DNAH8: variants seen among roughly 807,000 people sequenced by gnomAD.
The protein encoded by DNAH8 is axonemal beta dynein heavy chain 8.
In DNAH8, 382 loss-of-function variants were observed where a neutral mutation model predicts 562.1. The ratio of observed to expected loss-of-function variants is 0.68; its 90% CI spans 0.63 to 0.74. The LOEUF is 0.74. DNAH8 is among the 30% of genes least tolerant of loss of function. The pLI is 0.00. For synonymous variants in DNAH8, 1,881 were observed against 1,919.4 expected (o/e 0.98, Z 0.52); for missense variants, 5,203 against 5,620.4 (o/e 0.93, Z 2.37).
intron 1 of DNAH8, among the ~76,000 whole-genome samples, chr6:38,715,960 A>ATATTTTTTTTTT (rs1372342002): frequency 1.3e-4 from 3 of 23,626 alleles, no homozygotes; most frequent in African/African-American, 1.1e-3. Context: ...ATATATATAT[A>ATATTTTTTTTTT]TTTTTTTTTT....
At chr6:38,944,439 A>G (rs907822121) in intron 79 of DNAH8, among the ~76,000 whole-genome samples, 2 of 152,194 alleles carry the variant, frequency 1.3e-5, no homozygotes, top group African/African-American at 4.8e-5. Flanking sequence ...TTTTTGGTCC[A>G]TGAGTTGATT....
Position 38,826,141 on chromosome 6 carries a change from T to C in DNAH8, c.3848-15T>C, listed in dbSNP as rs777343054. The C allele has an allele frequency of 8.4e-6, 13 of 1,547,000 alleles. 1 individual carries two copies. In the South Asian group the frequency reaches 1.6e-4, roughly 19 times the overall value. ...CCAGTTATATTCTAATTTAATTTCT[T>C]CTTGTCTTCATCAGAGCCGATGAAA... On this transcript the variant is annotated splice_polypyrimidine_tract_variant and intron_variant, in intron 28 of 92. Transcript: ENST00000327475.
At chr6:38,715,915 TAAATAA>T (rs1350213631) in intron 1 of DNAH8, among the ~76,000 whole-genome samples, 14 of 39,602 alleles carry the variant, frequency 3.5e-4, no homozygotes, top group African/African-American at 2.5e-3. Context: ...AATAAATAAA[TAAATAA>T]ATAAATATAT....
At chr6:38,828,878 A>G (rs1467932793) in intron 30 of DNAH8, among the ~76,000 whole-genome samples, 3 of 152,172 alleles carry the variant, frequency 2.0e-5, no homozygotes, top group Non-Finnish European at 4.4e-5. Context: ...CCCATTAGCA[A>G]TCACTCCTGA....
intron 60 of DNAH8, among the ~76,000 whole-genome samples, chr6:38,897,058 G>T (rs1236485892): frequency 6.6e-6 from 1 of 152,024 alleles, no homozygotes; most frequent in Non-Finnish European, 1.5e-5. Context: ...TAGAGATGAG[G>T]TTTTATCATG....
intron 75 of DNAH8, among the ~76,000 whole-genome samples, chr6:38,930,781 C>T (rs983601331): frequency 4.6e-5 from 7 of 152,092 alleles, no homozygotes; most frequent in African/African-American, 1.7e-4. Context: ...TATACATATA[C>T]GTTGTATAAT....
chr6:38,882,188 G>A (rs115741737), intron 53 of DNAH8, among the ~76,000 whole-genome samples: 1,715 of 152,174 alleles, frequency 0.011, 40 homozygotes, highest in African/African-American at 0.039. Context: ...CCTACCATCT[G>A]ACCCACCAAT....
At chr6:38,971,743 C>A in intron 83 of DNAH8, 78 bp downstream of exon 83, 1 of 1,130,642 alleles carries the variant, frequency 8.8e-7, no homozygotes, top group Non-Finnish European at 1.3e-6. Flanking sequence ...ACATTCTTCT[C>A]GTGATGCTCA....
Position 38,741,711 on chromosome 6 carries a change from G to A in DNAH8, c.1117G>A (p.Val373Ile), listed in dbSNP as rs1361360387. 3 of 1,595,442 alleles carry A rather than the reference G, an allele frequency of 1.9e-6. No homozygotes were observed. Among genetic ancestry groups the A allele is most frequent in the Admixed American group, 1.8e-5 (1 of 55,192 alleles). Residue 373 changes from valine to isoleucine, a missense_variant and splice_region_variant, in exon 8 of 93, where the codon GTA (valine) becomes ATA (isoleucine). Physicochemically the swap from Val to Ile is conservative, Grantham distance 29. Transcript: ENST00000327475. ...ATTTTATAAATTTTTTTGACTGCAG[G>A]TACTTATTGAGAGTGAGCAGATGAG... is the stretch of plus-strand genomic sequence containing the variant. The part of the protein sequence containing the change: ...LMVWYKQIEQ[V>I]LIESEQMRKE...
At chr6:38,988,861 C>T (rs1764586649) in intron 87 of DNAH8, among the ~76,000 whole-genome samples, 2 of 152,194 alleles carry the variant, frequency 1.3e-5, no homozygotes, top group Non-Finnish European at 2.9e-5. Context: ...CTGCTTTAAA[C>T]CTCTTTAGTA....
At chr6:39,022,984 A>G (rs1195369494) in intron 91 of DNAH8, among the ~76,000 whole-genome samples, 1 of 152,204 alleles carries the variant, frequency 6.6e-6, no homozygotes, top group Non-Finnish European at 1.5e-5. Flanking sequence ...AATTTTTTTT[A>G]AAGCATCTGA....
intron 62 of DNAH8, among the ~76,000 whole-genome samples, chr6:38,905,885 G>T (rs1286928540): frequency 2.0e-5 from 3 of 150,742 alleles, no homozygotes; most frequent in South Asian, 4.2e-4. Context: ...TATGACTATG[G>T]TTTTTTTTGT....
chr6:38,732,282 G>A (rs1236872765), intron 4 of DNAH8, among the ~76,000 whole-genome samples: 1 of 152,134 alleles, frequency 6.6e-6, no homozygotes, highest in African/African-American at 2.4e-5. Context: ...ACTTAAGCTT[G>A]TCTTATGTCT....
chr6:38,857,120 G>A (rs1172664157), intron 41 of DNAH8, among the ~76,000 whole-genome samples: 4 of 152,204 alleles, frequency 2.6e-5, no homozygotes, highest in Non-Finnish European at 4.4e-5. Context: ...GAGATAGGCA[G>A]TGTATTGTTT....
At position 38,778,742 on chromosome 6, in the gene DNAH8, G is replaced by A. The variant is rs72849201; in HGVS notation, c.2039+278G>A. ...CTGCCCCCAGCCATGTCATATGTTT[G>A]GGGTTAATTTTATAGGTATTGTTGG... On this transcript the variant is annotated intron_variant, in intron 14 of 92. Transcript: ENST00000327475. Among the ~76,000 whole-genome samples, 18,637 of 152,076 alleles carry A rather than the reference G, an allele frequency of 0.12. 1,390 individuals are homozygous for A. Among genetic ancestry groups the A allele is most frequent in the Admixed American group, 0.22 (3,293 of 15,256 alleles).
intron 89 of DNAH8, among the ~76,000 whole-genome samples, chr6:39,011,693 T>C (rs1292255854): frequency 6.6e-6 from 1 of 152,204 alleles, no homozygotes; most frequent in Non-Finnish European, 1.5e-5. Context: ...TTTTCATTGA[T>C]TGGATTAGGA....
chr6:38,932,554 C>A (rs1016546672), intron 76 of DNAH8, among the ~76,000 whole-genome samples: 1 of 152,120 alleles, frequency 6.6e-6, no homozygotes, highest in Non-Finnish European at 1.5e-5. Flanking sequence ...AGTTGAAGCT[C>A]AGAAAACATT....
At chr6:38,785,750 A>AT (rs1272586878) in intron 17 of DNAH8, among the ~76,000 whole-genome samples, 1 of 151,816 alleles carries the variant, frequency 6.6e-6, no homozygotes, top group Admixed American at 6.6e-5. Context: ...TTCTGTTAGG[A>AT]TAAGTGATTT....
chr6:38,887,079 C>A, intron 57 of DNAH8, 75 bp downstream of exon 57: 2 of 1,076,036 alleles, frequency 1.9e-6, no homozygotes, highest in Admixed American at 2.0e-5. Context: ...ATTTAAGAGA[C>A]AAAAAGGCTC....
Sources: gnomAD v4.1 joint callset for allele counts (sites outside exome capture counted in the v4.1 genomes callset) on GRCh38, gnomAD v4.1.1 for gene constraint, MANE v1.5 for transcripts, NCBI Gene and HGNC (gene_info 2026-07-23, HGNC 2026-07-21) for gene names.